The following NEBL variants were observed in gnomAD, a reference collection of about 807,000 sequenced individuals.
NEBL encodes nebulette, also known as LIM and SH3 protein 2.
In NEBL, 122 loss-of-function variants were observed where a neutral mutation model predicts 140.2. The observed-to-expected ratio is 0.87, with a 90% CI of 0.75 to 1.01. The LOEUF is 1.01. Among genes scored for constraint, NEBL ranks in the 50% least tolerant of loss-of-function variants. The pLI, the probability that NEBL is intolerant of heterozygous loss-of-function variation, is 0.00. For missense variants in NEBL, 1,365 were observed against 1,231.3 expected (o/e 1.11, Z -1.62); for synonymous variants, 436 against 398.9 (o/e 1.09, Z -1.11).
At chr10:21,101,770 G>C (rs1252647731) in intron 2 of NEBL, among the ~76,000 whole-genome samples, 2 of 152,150 alleles carry the variant, frequency 1.3e-5, no homozygotes, top group East Asian at 3.8e-4. Flanking sequence ...GTGCCCAGAG[G>C]AAACTCCAAA....
chr10:21,225,907 G>A (rs946146108), intron 3 of NEBL, among the ~76,000 whole-genome samples: 2 of 152,100 alleles, frequency 1.3e-5, no homozygotes, highest in Non-Finnish European at 2.9e-5. Flanking sequence ...TAAGCTGCAA[G>A]ACAAACTTCC....
At chr10:20,980,796 G>GT (rs1837008491) in intron 3 of NEBL, among the ~76,000 whole-genome samples, 2 of 152,180 alleles carry the variant, frequency 1.3e-5, no homozygotes, top group Non-Finnish European at 2.9e-5. Context: ...GATTTTCTTT[G>GT]TAAGTATCAA....
At chr10:20,988,958 A>G (rs182096860) in intron 3 of NEBL, among the ~76,000 whole-genome samples, 4 of 152,366 alleles carry the variant, frequency 2.6e-5, no homozygotes, top group African/African-American at 9.6e-5. Flanking sequence ...TTAGGTACTC[A>G]ATACATATTT....
rs1233499940 is a variant in NEBL, at chr10:20,880,923, T to A, written c.370-19A>T. ...AGGCCACCTGAAAAACACAAATAAT[T>A]TTTAGTCCCATTTAGAGGCATATAA... On this transcript the variant is annotated intron_variant, in intron 4 of 27. Transcript: ENST00000377122. 1 of 1,599,612 alleles carries A rather than the reference T, an allele frequency of 6.3e-7. No homozygotes were observed. The highest frequency in any genetic ancestry group is 8.6e-7 in the Non-Finnish European group (1 of 1,166,790).
At position 21,188,450 on chromosome 10, in the gene NEBL, T is replaced by C. The variant is rs559868903; in HGVS notation, n.349-15973A>G. On this transcript the variant is annotated intron_variant and non_coding_transcript_variant, in intron 3 of 8. Transcript: ENST00000675702. Reference sequence around the variant, plus strand: ...GCTAGACTTGTCACAGTTTGGGAATTTATATTTCCTATACTAATTATAAGT... The same window carrying C: ...GCTAGACTTGTCACAGTTTGGGAATCTATATTTCCTATACTAATTATAAGT... Among the ~76,000 whole-genome samples the C allele has an allele frequency of 1.1e-4, 16 of 152,314 alleles. No individual in the cohort carries two copies. In the East Asian group the frequency reaches 2.9e-3, roughly 28 times the overall value.
rs1050137581 is a variant in NEBL, at chr10:21,273,250, G to C, written n.182+19580C>G. Among the ~76,000 whole-genome samples the C allele has an allele frequency of 5.3e-5, 8 of 152,054 alleles. No homozygotes were observed. The East Asian group carries it at 1.5e-3, about 29-fold the overall frequency. ...CATCTAAGACACTATTTATACCTTT[G>C]AGCACCAACCTGTAAAATTTCAACA... On this transcript the variant is annotated intron_variant and non_coding_transcript_variant, in intron 1 of 8. Coordinates refer to the NEBL transcript ENST00000675702.
intron 2 of NEBL, among the ~76,000 whole-genome samples, chr10:21,059,477 A>C (rs1469544630): frequency 6.6e-6 from 1 of 152,242 alleles, no homozygotes; most frequent in East Asian, 1.9e-4. Flanking sequence ...GGCACTTCAA[A>C]TACTTTGTGA....
intron 3 of NEBL, among the ~76,000 whole-genome samples, chr10:21,234,912 T>C (rs1464524087): frequency 6.6e-6 from 1 of 152,038 alleles, no homozygotes; most frequent in African/African-American, 2.4e-5. Context: ...GGCTCAACGG[T>C]GAGATATAAC....
intron 4 of NEBL, among the ~76,000 whole-genome samples, chr10:20,919,111 T>A (rs1463473207): frequency 1.3e-5 from 2 of 152,166 alleles, no homozygotes; most frequent in Non-Finnish European, 2.9e-5. Context: ...CTAAATTATG[T>A]GCTATCCTAA....
At chr10:21,269,388 T>A (rs2132287676) in intron 1 of NEBL, among the ~76,000 whole-genome samples, 1 of 152,332 alleles carries the variant, frequency 6.6e-6, no homozygotes, top group African/African-American at 2.4e-5. Context: ...AGATGGGATC[T>A]CCCAGATAAA....
At chr10:21,242,892 G>A (rs1842459274) in intron 3 of NEBL, among the ~76,000 whole-genome samples, 1 of 152,130 alleles carries the variant, frequency 6.6e-6, no homozygotes, top group Non-Finnish European at 1.5e-5. Context: ...ATGTTTGGGG[G>A]TGAGAAGAAC....
chr10:21,230,880 C>T (rs551327412), intron 3 of NEBL, among the ~76,000 whole-genome samples: 1 of 152,152 alleles, frequency 6.6e-6, no homozygotes, highest in African/African-American at 2.4e-5. Flanking sequence ...GTTGTGATTA[C>T]AGGCATGAGC....
intron 3 of NEBL, among the ~76,000 whole-genome samples, chr10:21,017,145 C>T (rs1450762045): frequency 1.3e-5 from 2 of 152,040 alleles, no homozygotes; most frequent in Non-Finnish European, 2.9e-5. Context: ...GGCAGGTTAT[C>T]GAAATTCTCT....
chr10:20,969,855 C>A (rs1836494232), intron 3 of NEBL, among the ~76,000 whole-genome samples: 3 of 151,894 alleles, frequency 2.0e-5, no homozygotes, highest in Admixed American at 2.0e-4. Flanking sequence ...CCAAAAAGCA[C>A]CTTTCAATTT....
rs896122726 is a variant in NEBL, at chr10:21,029,572, T to A, written c.165-9371A>T. 8.1e-6 allele frequency: 13 copies of A among 1,597,520 alleles called. No individual in the cohort carries two copies. In the Admixed American group the frequency reaches 1.0e-4, roughly 12 times the overall value. On this transcript the variant is annotated intron_variant, in intron 2 of 6. Coordinates refer to the NEBL transcript ENST00000417816. ...TTTTGGCCGTGATAGAAATCGGGAT[T>A]CTGACAAAACAGATACAGACTGGAG...
intron 2 of NEBL, among the ~76,000 whole-genome samples, chr10:21,137,236 A>C (rs750920562): frequency 1.1e-4 from 16 of 152,218 alleles, no homozygotes; most frequent in Non-Finnish European, 1.8e-4. Flanking sequence ...GTTAAAATCC[A>C]AAGAAATATA....
intron 2 of NEBL, among the ~76,000 whole-genome samples, chr10:21,112,210 T>C (rs1838046621): frequency 6.6e-6 from 1 of 152,180 alleles, no homozygotes; most frequent in Admixed American, 6.5e-5. Flanking sequence ...GAACTAGAAA[T>C]ACCATTTGAC....
intron 2 of NEBL, among the ~76,000 whole-genome samples, chr10:21,048,791 T>C (rs1821102703): frequency 1.3e-5 from 2 of 152,028 alleles, no homozygotes; most frequent in South Asian, 4.2e-4. Context: ...AGGTCAGGAG[T>C]ACGAGACCAG....
intron 4 of NEBL, among the ~76,000 whole-genome samples, chr10:20,927,901 C>T (rs1167714017): frequency 2.0e-5 from 3 of 152,250 alleles, no homozygotes; most frequent in South Asian, 4.1e-4. Context: ...AGCTTTCATC[C>T]TGTAAGATAG....
Sources: allele counts gnomAD v4.1 joint callset (sites outside exome capture counted in the v4.1 genomes callset), GRCh38; gene constraint gnomAD v4.1.1; transcripts MANE v1.5; gene names NCBI Gene and HGNC (gene_info 2026-07-23, HGNC 2026-07-21).